The following TRPC4 variants were observed in gnomAD, a reference collection of about 807,000 sequenced individuals.
TRPC4 encodes the protein transient receptor potential cation channel subfamily C member 4, also known as short transient receptor potential channel 4.
A neutral mutation model predicts 99.4 loss-of-function variants in TRPC4; 49 were observed. That is an observed-to-expected ratio of 0.49 (90% CI 0.39 to 0.63). The LOEUF (loss-of-function observed/expected upper bound fraction) is 0.63. TRPC4 is among the 20% of genes least tolerant of loss of function. The pLI is 0.00. For missense variants in TRPC4, 898 were observed against 1,152.9 expected, an observed-to-expected ratio of 0.78 and a Z score of 3.20; for synonymous variants, 454 against 425.9, an observed-to-expected ratio of 1.07 and a Z score of -0.81.
intron 1 of TRPC4, among the ~76,000 whole-genome samples, chr13:37,853,589 G>A (rs75667130): frequency 0.029 from 4,473 of 152,132 alleles, 101 homozygotes; most frequent in Middle Eastern, 0.071. Context: ...TAAGTCACTG[G>A]GGACCAATCT....
intron 1 of TRPC4, among the ~76,000 whole-genome samples, chr13:37,837,317 G>T (rs936030596): frequency 6.6e-6 from 1 of 152,190 alleles, no homozygotes; most frequent in African/African-American, 2.4e-5. Context: ...ACCCTAGAAT[G>T]GTGTATCCAC....
At chr13:37,738,720 G>A (rs533076164) in intron 3 of TRPC4, among the ~76,000 whole-genome samples, 49 of 152,256 alleles carry the variant, frequency 3.2e-4, no homozygotes, top group African/African-American at 1.1e-3. Flanking sequence ...AGGCCTAGAA[G>A]GGGAAATATT....
chr13:37,736,895 ATTTTTT>A lies in TRPC4; in HGVS notation c.897+9036_897+9041del, dbSNP rs34176145. Among the ~76,000 whole-genome samples the A allele has an allele frequency of 6.3e-5, 8 of 127,744 alleles. No individual in the cohort carries two copies. The Admixed American group carries it at 6.5e-4, about 10-fold the overall frequency. The allele number at this position is 127,744 out of a possible 152,430, so 83.8% of individuals were successfully genotyped here. ...AGACACACACCACTATGCCTGGCTA[ATTTTTT>A]TTTTTTTTTTTTGTAGAGACAAGGT... is the stretch of plus-strand genomic sequence containing the variant. On this transcript the variant is annotated intron_variant, in intron 3 of 10. Coordinates refer to ENST00000379705, the MANE Select transcript of TRPC4 (RefSeq NM_016179.4).
intron 3 of TRPC4, among the ~76,000 whole-genome samples, chr13:37,735,202 T>G (rs572249701): frequency 1.5e-3 from 233 of 152,156 alleles, no homozygotes; most frequent in Middle Eastern, 6.8e-3. Context: ...TCTAACAGGG[T>G]GAGGAATAAG....
chr13:37,649,162 A>T (rs1951941452), intron 8 of TRPC4, among the ~76,000 whole-genome samples: 2 of 152,182 alleles, frequency 1.3e-5, no homozygotes, highest in African/African-American at 4.8e-5. Flanking sequence ...AGTATATTTG[A>T]TCTGGAAAGG....
chr13:37,643,105 C>CT (rs1951775376), intron 8 of TRPC4, among the ~76,000 whole-genome samples: 1 of 152,162 alleles, frequency 6.6e-6, no homozygotes, highest in African/African-American at 2.4e-5. Context: ...TGCCTCCTAT[C>CT]TGAGTCCTGG....
chr13:37,636,886 G>C lies in TRPC4; in HGVS notation c.*17C>G, dbSNP rs754584868. 8 of 1,598,928 alleles carry C rather than the reference G, an allele frequency of 5.0e-6. No individual in the cohort carries two copies. Among genetic ancestry groups the C allele is most frequent in the African/African-American group, 1.3e-5 (1 of 74,508 alleles). ...GAAAATACGTATGTGTATGGTAAAC[G>C]CTTCCTCCTTCAAGTATCACAATCT... On this transcript the variant is annotated 3_prime_UTR_variant, in exon 11 of 11. Coordinates refer to ENST00000379705, the MANE Select transcript of TRPC4 (RefSeq NM_016179.4).
chr13:37,673,192 G>A (rs1165654602), intron 5 of TRPC4, among the ~76,000 whole-genome samples: 19 of 148,292 alleles, frequency 1.3e-4, no homozygotes, highest in Non-Finnish European at 1.9e-4. Flanking sequence ...GAGAACATGC[G>A]GTGTTTGGTT....
chr13:37,649,754 A>AAAC (rs1566067364), intron 8 of TRPC4, among the ~76,000 whole-genome samples: 1 of 130,686 alleles, frequency 7.7e-6, no homozygotes, highest in Admixed American at 7.5e-5. Context: ...AAAAAAAAAA[A>AAAC]AAAAAACAAC....
Position 37,746,336 on chromosome 13 carries a change from G to A in TRPC4, c.498C>T (p.Val166=), listed in dbSNP as rs1303011259. Residue 166 remains valine (V), a synonymous_variant, in exon 3 of 11, where the codon GTC becomes GTT. Coordinates refer to ENST00000379705, the MANE Select transcript of TRPC4 (RefSeq NM_016179.4). ...GGACCTCGTGGGGTCGAGGCACTGA[G>A]ACTCCTTTCTGAACCAAGAGTTTTA... ...EIIKLLVQKG[V]SVPRPHEVRC... 2 of 1,613,752 alleles carry A rather than the reference G, an allele frequency of 1.2e-6. No homozygotes were observed. The highest frequency in any genetic ancestry group is 1.7e-6 in the Non-Finnish European group (2 of 1,179,860).
chr13:37,766,093 G>A (rs2139265609), intron 2 of TRPC4, among the ~76,000 whole-genome samples: 1 of 151,416 alleles, frequency 6.6e-6, no homozygotes, highest in Non-Finnish European at 1.5e-5. Context: ...ATGATTGAAG[G>A]TTCTAATGAA....
At chr13:37,853,314 T>G (rs1209665278) in intron 1 of TRPC4, among the ~76,000 whole-genome samples, 1 of 152,208 alleles carries the variant, frequency 6.6e-6, no homozygotes, top group Non-Finnish European at 1.5e-5. Flanking sequence ...AGTCTCTTCC[T>G]GGTAATCCAG....
At chr13:37,858,647 A>T (rs1281417532) in intron 1 of TRPC4, among the ~76,000 whole-genome samples, 1 of 151,566 alleles carries the variant, frequency 6.6e-6, no homozygotes, top group African/African-American at 2.4e-5. Context: ...AACTGGAGGT[A>T]TTATGTTAAG....
At chr13:37,777,360 C>A (rs73168499) in intron 2 of TRPC4, among the ~76,000 whole-genome samples, 571 of 151,810 alleles carry the variant, frequency 3.8e-3, no homozygotes, top group Non-Finnish European at 5.4e-3. Context: ...CACACGGCAG[C>A]GGGAGAGAGA....
chr13:37,736,330 G>C (rs573254982), intron 3 of TRPC4, among the ~76,000 whole-genome samples: 30 of 152,212 alleles, frequency 2.0e-4, no homozygotes, highest in South Asian at 6.2e-4. Context: ...CTCAGCAATC[G>C]GTCATTGAGC....
chr13:37,829,288 TA>T (rs1566204663), intron 1 of TRPC4, among the ~76,000 whole-genome samples: 1 of 152,156 alleles, frequency 6.6e-6, no homozygotes, highest in Admixed American at 6.6e-5. Context: ...TCAGATTTTT[TA>T]AAAAATGTGC....
At chr13:37,803,044 A>G (rs1158161332) in intron 1 of TRPC4, among the ~76,000 whole-genome samples, 3 of 152,006 alleles carry the variant, frequency 2.0e-5, no homozygotes, top group Non-Finnish European at 2.9e-5. Flanking sequence ...TTGAGTTATA[A>G]CCTGATACTA....
intron 4 of TRPC4, among the ~76,000 whole-genome samples, chr13:37,678,121 G>A (rs1231499157): frequency 7.1e-6 from 1 of 140,202 alleles, no homozygotes; most frequent in Non-Finnish European, 1.6e-5. Context: ...GGCATCTAGA[G>A]TAGTGCTTAG....
At chr13:37,851,613 A>G (rs1379195247) in intron 1 of TRPC4, among the ~76,000 whole-genome samples, 1 of 152,236 alleles carries the variant, frequency 6.6e-6, no homozygotes, top group African/African-American at 2.4e-5. Context: ...TACACCATTC[A>G]TATTCCTAAC....
Sources: gnomAD v4.1 joint callset for allele counts (sites outside exome capture counted in the v4.1 genomes callset) on GRCh38, gnomAD v4.1.1 for gene constraint, MANE v1.5 for transcripts, NCBI Gene and HGNC (gene_info 2026-07-23, HGNC 2026-07-21) for gene names.